KIAA1958: variants seen among roughly 807,000 people sequenced by gnomAD.
KIAA1958 encodes the protein uncharacterized protein KIAA1958.
Under a neutral mutation model 47.2 loss-of-function variants are expected in KIAA1958, and 14 were observed. The observed-to-expected ratio is 0.30, with a 90% CI of 0.20 to 0.46. The LOEUF is 0.46. KIAA1958 is among the 20% of genes least tolerant of loss of function. The probability of loss-of-function intolerance (pLI) is 1.00; values close to 1 mark genes in which losing one functional copy is unlikely to be tolerated. For synonymous variants in KIAA1958, 354 were observed against 353.3 expected (o/e 1.00, Z -0.02); for missense variants, 803 against 909.2 (o/e 0.88, Z 1.50).
chr9:112,616,069 A>C (rs894523654), intron 2 of KIAA1958, among the ~76,000 whole-genome samples: 1 of 152,256 alleles, frequency 6.6e-6, no homozygotes, highest in African/African-American at 2.4e-5. Context: ...TTGGCTTTCC[A>C]TTGTAAACAG....
Position 112,636,120 on chromosome 9 carries a change from A to G in KIAA1958, c.1172-9530A>G, listed in dbSNP as rs1033265417. ...AATTGTTTATTTTATATATATATAT[A>G]CTATACATATATCATATATATTTTT... On this transcript the variant is annotated intron_variant, in intron 2 of 3. Transcript: ENST00000337530. Among the ~76,000 whole-genome samples the G allele has an allele frequency of 2.0e-5, 3 of 148,026 alleles. No homozygotes were observed. In the East Asian group the frequency reaches 5.8e-4, roughly 29 times the overall value.
intron 2 of KIAA1958, among the ~76,000 whole-genome samples, chr9:112,594,250 A>G (rs1835977763): frequency 6.6e-6 from 1 of 152,204 alleles, no homozygotes; most frequent in Admixed American, 6.5e-5. Context: ...TTTCTGCCAA[A>G]TGTTTTCCAA....
Position 112,663,938 on chromosome 9 carries a change from G to C in KIAA1958, c.*3869G>C, listed in dbSNP as rs1433017831. On this transcript the variant is annotated 3_prime_UTR_variant, in exon 4 of 4. Coordinates refer to ENST00000337530, the MANE Select transcript of KIAA1958 (RefSeq NM_133465.4). ...ATCTGGACAAAGTAATACTCTTGTAGAAACGGAAGCATCTTGCTGTACTTG... is the reference window on the plus strand; with the variant it reads ...ATCTGGACAAAGTAATACTCTTGTACAAACGGAAGCATCTTGCTGTACTTG... 5.3e-5 allele frequency: 8 copies of C among 152,236 alleles called. No individual in the cohort carries two copies. The highest frequency in any genetic ancestry group is 1.9e-4 in the African/African-American group (8 of 41,468). The allele number at this position is 152,236 out of a possible 1,614,324, so 9.4% of individuals were successfully genotyped here. A position where few individuals can be genotyped will look rare whatever the true frequency, so the allele number is the denominator to read the frequency against.
In KIAA1958 at chr9:112,561,853, T is replaced by TCAAA. The variant is rs377530006; in HGVS notation, c.-24-12183_-24-12180dup. ...CTGGGCAACAGAGTGACACTCTGTC[T>TCAAA]CAAACAAACAAACAAACAAACAAAA... On this transcript the variant is annotated intron_variant, in intron 1 of 3. Transcript: ENST00000337530. Among the ~76,000 whole-genome samples the TCAAA allele has an allele frequency of 3.7e-3, 567 of 152,212 alleles. 4 individuals carry two copies. The highest frequency in any genetic ancestry group is 6.7e-3 in the Non-Finnish European group (458 of 68,004).
At position 112,618,516 on chromosome 9, in the gene KIAA1958, A is replaced by T; in HGVS notation, c.1172-27134A>T. 1 of 1,550,728 alleles carries T rather than the reference A, an allele frequency of 6.4e-7. No individual in the cohort carries two copies. ...AGAGGGGGGACAGACTCCCGTGTGT[A>T]TGCCACCCAGCACGCCCCACAGACC... On this transcript the variant is annotated intron_variant, in intron 2 of 3. Transcript: ENST00000337530. The surrounding 1 kb of genome is among the most constrained non-coding windows in gnomAD (Gnocchi z 7.1).
chr9:112,644,068 C>A (rs554226341), intron 2 of KIAA1958, among the ~76,000 whole-genome samples: 2 of 152,154 alleles, frequency 1.3e-5, no homozygotes, highest in South Asian at 4.2e-4. Context: ...GTCGCAGCTA[C>A]TTGGGAGGCT....
At chr9:112,502,622 A>G (rs1440175288) in intron 1 of KIAA1958, among the ~76,000 whole-genome samples, 1 of 152,226 alleles carries the variant, frequency 6.6e-6, no homozygotes, top group African/African-American at 2.4e-5. Flanking sequence ...CAATTTATCT[A>G]GTAATTCTAA....
chr9:112,496,770 T>C (rs1834057886), intron 1 of KIAA1958, among the ~76,000 whole-genome samples: 1 of 152,192 alleles, frequency 6.6e-6, no homozygotes, highest in South Asian at 2.1e-4. Flanking sequence ...GAAACTTTAC[T>C]GGTTGTTCTT....
chr9:112,642,591 T>G (rs1836910067), intron 2 of KIAA1958, among the ~76,000 whole-genome samples: 1 of 152,216 alleles, frequency 6.6e-6, no homozygotes, highest in African/African-American at 2.4e-5. Flanking sequence ...TCATAGTCCC[T>G]TCTTTCTCTC....
intron 1 of KIAA1958, among the ~76,000 whole-genome samples, chr9:112,550,320 G>T (rs1027288072): frequency 6.6e-6 from 1 of 152,176 alleles, no homozygotes; most frequent in Non-Finnish European, 1.5e-5. Context: ...CATCTAGTGA[G>T]GATCACTGAT....
intron 1 of KIAA1958, among the ~76,000 whole-genome samples, chr9:112,506,881 G>A (rs542905561): frequency 1.3e-5 from 2 of 152,274 alleles, no homozygotes; most frequent in South Asian, 4.1e-4. Flanking sequence ...TTAACTAGAA[G>A]TGTGGTAGTT....
intron 2 of KIAA1958, among the ~76,000 whole-genome samples, chr9:112,604,819 G>T (rs890074182): frequency 4.0e-5 from 6 of 151,148 alleles, no homozygotes; most frequent in African/African-American, 1.5e-4. Context: ...CAGAACATAT[G>T]CTGAGTACTC....
intron 2 of KIAA1958, among the ~76,000 whole-genome samples, chr9:112,605,859 C>A (rs1489007301): frequency 6.6e-6 from 1 of 152,122 alleles, no homozygotes; most frequent in African/African-American, 2.4e-5. Flanking sequence ...CTAGAATATC[C>A]ATCCTTAAAT....
chr9:112,642,743 T>C (rs113926337), intron 2 of KIAA1958, among the ~76,000 whole-genome samples: 4 of 152,350 alleles, frequency 2.6e-5, no homozygotes, highest in African/African-American at 9.6e-5. Context: ...TTCACCAATA[T>C]AGTCTTTTAA....
intron 2 of KIAA1958, among the ~76,000 whole-genome samples, chr9:112,593,145 ATTAAAT>A (rs984738512): frequency 2.0e-5 from 3 of 152,186 alleles, no homozygotes; most frequent in East Asian, 1.9e-4. Flanking sequence ...GCCTTTTAAA[ATTAAAT>A]TTAAATTAAA....
chr9:112,503,313 A>C lies in KIAA1958; in HGVS notation c.-25+16195A>C, dbSNP rs547767796. ...ATTTGAGGCAAAGGGAACGGCAAGC[A>C]CAAAGGGTCAGTTGGAAATGTGCCC... On this transcript the variant is annotated intron_variant, in intron 1 of 3. Transcript: ENST00000337530. Among the ~76,000 whole-genome samples the C allele has an allele frequency of 7.9e-5, 12 of 152,272 alleles. No individual in the cohort carries two copies. In the South Asian group the frequency reaches 2.5e-3, roughly 32 times the overall value.
rs1226564162 is a variant in KIAA1958 at position 112,661,077 on chromosome 9, ACTTT to A, written c.*1013_*1016del. 3.3e-5 allele frequency: 5 copies of A among 152,156 alleles called. No homozygotes were observed. Among genetic ancestry groups the A allele is most frequent in the Non-Finnish European group, 5.9e-5 (4 of 68,024 alleles). The allele number at this position is 152,156 out of a possible 1,614,324, so 9.4% of individuals were successfully genotyped here. ...AGCTGCAAAAAACACAGATCCCCAA[ACTTT>A]CTTTATTAAAGAGATTTGGAATATT... On this transcript the variant is annotated 3_prime_UTR_variant, in exon 4 of 4. Transcript: ENST00000337530.
At chr9:112,573,627 G>T (rs1205806028) in intron 1 of KIAA1958, among the ~76,000 whole-genome samples, 1 of 152,148 alleles carries the variant, frequency 6.6e-6, no homozygotes, top group East Asian at 1.9e-4. Flanking sequence ...ATGACAAAGG[G>T]TGTCATTGGA....
intron 3 of KIAA1958, among the ~76,000 whole-genome samples, 175 bp downstream of exon 3, chr9:112,645,997 T>C (rs758390941): frequency 2.0e-5 from 3 of 151,904 alleles, no homozygotes; most frequent in Non-Finnish European, 4.4e-5. Flanking sequence ...AAGCGTTTTA[T>C]GAATTTATAG....
Sources: allele counts gnomAD v4.1 joint callset (sites outside exome capture counted in the v4.1 genomes callset), GRCh38; gene constraint gnomAD v4.1.1; non-coding constraint Gnocchi (gnomAD v3.1); transcripts MANE v1.5; gene names NCBI Gene and HGNC (gene_info 2026-07-23, HGNC 2026-07-21).